Variants in RNF144A observed in about 807,000 individuals in gnomAD.
RNF144A encodes E3 ubiquitin-protein ligase RNF144A.
RNF144A carries 11 observed loss-of-function variants against 38.7 expected under a neutral mutation model. The observed-to-expected ratio is 0.28, with a 90% confidence interval of 0.18 to 0.47. The LOEUF (loss-of-function observed/expected upper bound fraction) is 0.47, where lower values mean the gene tolerates loss of function less well. Ranked by LOEUF, RNF144A falls within the 20% of genes least tolerant of loss-of-function variation. The probability of loss-of-function intolerance (pLI) is 0.99; values close to 1 mark genes in which losing one functional copy is unlikely to be tolerated. For missense variants in RNF144A, 316 were observed against 377.2 expected (o/e 0.84, Z 1.34); for synonymous variants, 149 against 143.9 (o/e 1.04, Z -0.25).
At chr2:7,052,838 A>AACACACACACACAC (rs10670138) in intron 6 of RNF144A, among the ~76,000 whole-genome samples, 1,900 of 150,062 alleles carry the variant, frequency 0.013, 22 homozygotes, top group African/African-American at 0.029. Context: ...CCCCCTTTCC[A>AACACACACACACAC]ACACACACAC....
intron 6 of RNF144A, among the ~76,000 whole-genome samples, chr2:7,055,368 C>T (rs372497077): frequency 2.0e-5 from 3 of 152,178 alleles, no homozygotes; most frequent in South Asian, 2.1e-4. Context: ...TAAAATTACA[C>T]CTGCTCCCAA....
In RNF144A at chr2:7,042,213, T is replaced by C. The variant is rs943521025; in HGVS notation, c.*2453T>C. The C allele has an allele frequency of 1.0e-6, 1 of 985,328 alleles. No individual in the cohort carries two copies. The highest frequency in any genetic ancestry group is 1.2e-6 in the Non-Finnish European group (1 of 829,934). 61.0% of individuals were successfully genotyped at this position (985,328 alleles called of 1,614,324 possible). On this transcript the variant is annotated 3_prime_UTR_variant, in exon 9 of 9. Coordinates refer to ENST00000320892, the MANE Select transcript of RNF144A (RefSeq NM_014746.6). ...TTTAGTAAGGAGTGCCAGACTTATC[T>C]TTGATGGGAATACAGTATGAACCCT...
At chr2:6,956,660 G>T (rs1156258250) in intron 2 of RNF144A, among the ~76,000 whole-genome samples, 1 of 152,136 alleles carries the variant, frequency 6.6e-6, no homozygotes, top group East Asian at 1.9e-4. Context: ...TTAATCTCAG[G>T]TCTGATGTTG....
At chr2:6,928,725 G>T (rs985853671) in intron 1 of RNF144A, among the ~76,000 whole-genome samples, 2 of 152,082 alleles carry the variant, frequency 1.3e-5, no homozygotes, top group Non-Finnish European at 2.9e-5. Context: ...TGTGGCTTTC[G>T]CTAGCCTTTT....
chr2:6,931,017 A>G (rs1437331629), intron 1 of RNF144A, among the ~76,000 whole-genome samples: 3 of 152,238 alleles, frequency 2.0e-5, no homozygotes, highest in Admixed American at 1.3e-4. Context: ...AAGCCATGCA[A>G]GCAACCACAT....
At chr2:6,939,943 CTTGA>C (rs1665861713) in intron 1 of RNF144A, among the ~76,000 whole-genome samples, 1 of 152,140 alleles carries the variant, frequency 6.6e-6, no homozygotes, top group Admixed American at 6.5e-5. Flanking sequence ...ATTACACTAT[CTTGA>C]TTAATATAGC....
At chr2:6,995,559 T>A (rs1669675470) in intron 2 of RNF144A, among the ~76,000 whole-genome samples, 1 of 152,048 alleles carries the variant, frequency 6.6e-6, no homozygotes. Context: ...CAGCCCTCAG[T>A]CTGTGGTCGA....
intron 2 of RNF144A, among the ~76,000 whole-genome samples, chr2:6,991,284 C>T (rs548206457): frequency 3.3e-5 from 5 of 152,246 alleles, no homozygotes; most frequent in East Asian, 1.9e-4. Context: ...TTTCCTAAAG[C>T]GTCATGAAGC....
intron 6 of RNF144A, among the ~76,000 whole-genome samples, chr2:7,049,268 T>A (rs1432601540): frequency 6.6e-6 from 1 of 152,192 alleles, no homozygotes; most frequent in Non-Finnish European, 1.5e-5. Flanking sequence ...AAACACTGTA[T>A]AGTGGCTGAG....
chr2:6,978,185 G>A (rs1668425258), intron 2 of RNF144A, among the ~76,000 whole-genome samples: 1 of 152,188 alleles, frequency 6.6e-6, no homozygotes, highest in African/African-American at 2.4e-5. Flanking sequence ...ATGACAGGAA[G>A]CTCCTAACAG....
At chr2:6,980,926 A>T (rs887546440) in intron 2 of RNF144A, among the ~76,000 whole-genome samples, 1 of 152,226 alleles carries the variant, frequency 6.6e-6, no homozygotes, top group African/African-American at 2.4e-5. Context: ...CTCTTGCCTT[A>T]TGCGCACCCA....
At chr2:6,961,535 G>T (rs1351786988) in intron 2 of RNF144A, among the ~76,000 whole-genome samples, 1 of 152,120 alleles carries the variant, frequency 6.6e-6, no homozygotes, top group Non-Finnish European at 1.5e-5. Context: ...TAATGTATTT[G>T]GAGAGATGAG....
In RNF144A at chr2:6,962,926, T is replaced by TGACAA; in HGVS notation, c.-12+21782_-12+21786dup. ...ACTGTGATTGATCGTTGAAGGGAGA[T>TGACAA]GACAAGATCATTTTGATAATTTTAA... is the stretch of plus-strand genomic sequence containing the variant. On this transcript the variant is annotated intron_variant, in intron 2 of 8. Transcript: ENST00000320892. The surrounding 1 kb of genome is among the most constrained non-coding windows in gnomAD (Gnocchi z 4.1). Among the ~76,000 whole-genome samples the TGACAA allele has an allele frequency of 6.6e-6, 1 of 152,308 alleles. No individual in the cohort carries two copies. The highest frequency in any genetic ancestry group is 2.1e-4 in the South Asian group (1 of 4,824).
At position 6,942,868 on chromosome 2, in the gene RNF144A, C is replaced by T. The variant is rs142390195; in HGVS notation, c.-12+1721C>T. Among the ~76,000 whole-genome samples, 1,382 of 152,278 alleles carry T rather than the reference C, an allele frequency of 9.1e-3. 6 individuals carry two copies. The highest frequency in any genetic ancestry group is 0.02 in the Middle Eastern group (6 of 294). On this transcript the variant is annotated intron_variant, in intron 2 of 8. Coordinates refer to ENST00000320892, the MANE Select transcript of RNF144A (RefSeq NM_014746.6). The stretch of plus-strand genomic sequence containing the variant: ...GAGTTGTGGCAGGTGCCTGTAATTC[C>T]AGCTACTCGGGAGGCTGAGTCAGGA...
intron 2 of RNF144A, among the ~76,000 whole-genome samples, chr2:6,988,976 A>G (rs1276304440): frequency 6.6e-6 from 1 of 151,564 alleles, no homozygotes; most frequent in Non-Finnish European, 1.5e-5. Flanking sequence ...TGTCTCCTAT[A>G]TTGTTTGGAC....
At chr2:7,058,787 G>A (rs989857757) in intron 6 of RNF144A, among the ~76,000 whole-genome samples, 1 of 151,948 alleles carries the variant, frequency 6.6e-6, no homozygotes, top group African/African-American at 2.4e-5. Flanking sequence ...GACTCTATAG[G>A]TTTCTTCTCC....
At chr2:7,073,541 C>A in the RNF144A span, among the ~76,000 whole-genome samples, 1 of 152,136 alleles carries the variant, frequency 6.6e-6, no homozygotes, top group Non-Finnish European at 1.5e-5. Flanking sequence ...CTCAAAGTCA[C>A]CCCTGGAGAT....
At chr2:7,030,278 T>C (rs1424386795) in intron 8 of RNF144A, 63 bp downstream of exon 8, 1 of 876,198 alleles carries the variant, frequency 1.1e-6, no homozygotes, top group African/African-American at 1.7e-5. Flanking sequence ...TGTGTGTGTG[T>C]GTGTGTGTGT....
intron 2 of RNF144A, among the ~76,000 whole-genome samples, chr2:6,966,886 A>G (rs1350621971): frequency 1.3e-5 from 2 of 152,096 alleles, no homozygotes; most frequent in Non-Finnish European, 2.9e-5. Flanking sequence ...TTATATATAT[A>G]TCCTGGCCAC....
Sources: gnomAD v4.1 joint callset for allele counts (sites outside exome capture counted in the v4.1 genomes callset) on GRCh38, gnomAD v4.1.1 for gene constraint, Gnocchi (gnomAD v3.1) non-coding constraint, MANE v1.5 for transcripts, NCBI Gene and HGNC (gene_info 2026-07-23, HGNC 2026-07-21) for gene names.